The following CCBE1 variants were observed in gnomAD, a reference collection of about 807,000 sequenced individuals.
CCBE1 encodes the protein collagen and calcium binding EGF domains 1, also known as collagen and calcium-binding EGF domain-containing protein 1.
A neutral mutation model predicts 50.0 loss-of-function variants in CCBE1; 37 were observed. The observed-to-expected ratio is 0.74, with a 90% CI of 0.57 to 0.97. The LOEUF (loss-of-function observed/expected upper bound fraction) is 0.97, where lower values mean the gene tolerates loss of function less well. CCBE1 is among the 50% of genes least tolerant of loss of function. The pLI, the probability that CCBE1 is intolerant of heterozygous loss-of-function variation, is 0.00. For synonymous variants in CCBE1, 234 were observed against 203.7 expected, an observed-to-expected ratio of 1.15 and a Z score of -1.27; for missense variants, 538 against 523.8, an observed-to-expected ratio of 1.03 and a Z score of -0.26.
chr18:59,503,281 C>T (rs1913712002), intron 2 of CCBE1, among the ~76,000 whole-genome samples: 2 of 152,244 alleles, frequency 1.3e-5, no homozygotes, highest in Admixed American at 6.5e-5. Flanking sequence ...CTGGGTGTAA[C>T]AGCAGCTACC....
At chr18:59,677,362 G>C (rs562857052) in intron 2 of CCBE1, among the ~76,000 whole-genome samples, 1 of 152,220 alleles carries the variant, frequency 6.6e-6, no homozygotes, top group African/African-American at 2.4e-5. Flanking sequence ...GCTGCAGACT[G>C]TGCTGTGAGT....
intron 2 of CCBE1, among the ~76,000 whole-genome samples, chr18:59,622,429 G>A (rs529853030): frequency 4.9e-4 from 74 of 152,006 alleles, no homozygotes; most frequent in African/African-American, 1.7e-3. Context: ...GCTTGAACCC[G>A]GGAGGCAGAG....
In CCBE1 at chr18:59,539,066, C is replaced by A. The variant is rs201219322; in HGVS notation, c.213-58828G>T. ...TAGCATGCACCTACAGTCCCAGTTACTCAGGAGGCTGAAGCAGGAGGACCG... is the reference window on the plus strand; with the variant it reads ...TAGCATGCACCTACAGTCCCAGTTAATCAGGAGGCTGAAGCAGGAGGACCG... On this transcript the variant is annotated intron_variant, in intron 2 of 10. Transcript: ENST00000439986. Among the ~76,000 whole-genome samples the A allele has an allele frequency of 3.3e-4, 50 of 152,004 alleles. 1 individual carries two copies. The East Asian group carries it at 9.5e-3, about 29-fold the overall frequency.
At chr18:59,491,835 C>A (rs1790503) in intron 2 of CCBE1, among the ~76,000 whole-genome samples, 10 of 148,746 alleles carry the variant, frequency 6.7e-5, no homozygotes, top group East Asian at 3.9e-4. Context: ...AACAAACAAA[C>A]AAAAAAAAAC....
intron 2 of CCBE1, among the ~76,000 whole-genome samples, chr18:59,647,553 G>A (rs1238251417): frequency 6.6e-6 from 1 of 152,072 alleles, no homozygotes; most frequent in Non-Finnish European, 1.5e-5. Context: ...TAACAACTGG[G>A]TTGGCAGAAA....
intron 9 of CCBE1, among the ~76,000 whole-genome samples, chr18:59,439,052 C>T (rs1471949910): frequency 2.0e-5 from 3 of 151,760 alleles, no homozygotes; most frequent in South Asian, 4.2e-4. Context: ...TTGGGGAGGC[C>T]GAGGTGGGCG....
intron 10 of CCBE1, among the ~76,000 whole-genome samples, chr18:59,436,425 T>C (rs531452574): frequency 6.6e-6 from 1 of 152,332 alleles, no homozygotes; most frequent in East Asian, 1.9e-4. Flanking sequence ...CCTAGGTTAC[T>C]TTCCAAAGCA....
intron 2 of CCBE1, among the ~76,000 whole-genome samples, chr18:59,599,549 T>G (rs1287538897): frequency 1.3e-5 from 2 of 152,232 alleles, no homozygotes; most frequent in Admixed American, 1.3e-4. Flanking sequence ...CTCACTCATA[T>G]AGTCACATTT....
At chr18:59,655,295 C>A (rs1022526899) in intron 2 of CCBE1, among the ~76,000 whole-genome samples, 8 of 152,136 alleles carry the variant, frequency 5.3e-5, no homozygotes, top group Non-Finnish European at 1.0e-4. Flanking sequence ...ACATGGGAAT[C>A]CAAGGACCAA....
chr18:59,652,792 A>G (rs1055905866), intron 2 of CCBE1, among the ~76,000 whole-genome samples: 4 of 152,174 alleles, frequency 2.6e-5, no homozygotes, highest in African/African-American at 9.6e-5. Context: ...GTGAAACCCC[A>G]TCTCTACTAA....
chr18:59,537,742 G>A lies in CCBE1; in HGVS notation c.213-57504C>T, dbSNP rs528056179. On this transcript the variant is annotated intron_variant, in intron 2 of 10. Coordinates refer to ENST00000439986, the MANE Select transcript of CCBE1 (RefSeq NM_133459.4). ...AATGTGTCACCTCAAAAGGAATTTG[G>A]TGACTCCTCCTTCTGTTTAACACAT... 1.1e-4 allele frequency among the ~76,000 whole-genome samples: 17 copies of A among 152,252 alleles called. No individual in the cohort carries two copies. In the South Asian group the frequency reaches 3.1e-3, roughly 28 times the overall value.
intron 2 of CCBE1, among the ~76,000 whole-genome samples, chr18:59,549,388 A>G (rs1027620016): frequency 9.2e-5 from 14 of 152,198 alleles, no homozygotes; most frequent in African/African-American, 3.1e-4. Context: ...GAAGGAGCAA[A>G]TGATACAAAT....
chr18:59,476,899 G>T (rs920368767), intron 3 of CCBE1, among the ~76,000 whole-genome samples: 1 of 152,176 alleles, frequency 6.6e-6, no homozygotes, highest in Non-Finnish European at 1.5e-5. Flanking sequence ...ACAGGTCCCA[G>T]AATCAAGGGG....
At chr18:59,493,264 C>T (rs1486473990) in intron 2 of CCBE1, among the ~76,000 whole-genome samples, 2 of 152,110 alleles carry the variant, frequency 1.3e-5, no homozygotes, top group Non-Finnish European at 2.9e-5. Flanking sequence ...GCATAAAATC[C>T]TCAAGGACAA....
intron 5 of CCBE1, among the ~76,000 whole-genome samples, chr18:59,455,662 C>A (rs1383925437): frequency 6.6e-6 from 1 of 152,366 alleles, no homozygotes; most frequent in South Asian, 2.1e-4. Context: ...CAGCTCTCTT[C>A]TTCCTGGCAC....
At chr18:59,512,336 A>C (rs936419001) in intron 2 of CCBE1, among the ~76,000 whole-genome samples, 3 of 152,238 alleles carry the variant, frequency 2.0e-5, no homozygotes, top group Non-Finnish European at 4.4e-5. Context: ...AGCTGTAAAC[A>C]TCTACCCCTA....
At chr18:59,453,362 G>A (rs772147441) in intron 6 of CCBE1, among the ~76,000 whole-genome samples, 1 of 152,202 alleles carries the variant, frequency 6.6e-6, no homozygotes, top group Non-Finnish European at 1.5e-5. Context: ...TCAAGCTGGG[G>A]ATATCTGTGT....
intron 2 of CCBE1, among the ~76,000 whole-genome samples, chr18:59,647,783 A>G (rs774724135): frequency 6.6e-6 from 1 of 152,232 alleles, no homozygotes; most frequent in Non-Finnish European, 1.5e-5. Context: ...TCGATGGAAT[A>G]AAAATTCAGT....
chr18:59,603,484 C>A (rs184538418), intron 2 of CCBE1, among the ~76,000 whole-genome samples: 3 of 152,172 alleles, frequency 2.0e-5, no homozygotes, highest in Non-Finnish European at 4.4e-5. Flanking sequence ...TAAATATAGT[C>A]TCTGGCCTCC....
Sources: allele counts gnomAD v4.1 joint callset (sites outside exome capture counted in the v4.1 genomes callset), GRCh38; gene constraint gnomAD v4.1.1; transcripts MANE v1.5; gene names NCBI Gene and HGNC (gene_info 2026-07-23, HGNC 2026-07-21).